Variants in RBM20 observed in about 807,000 individuals in gnomAD.
RBM20 encodes the protein RNA-binding protein 20.
RBM20 carries 51 observed loss-of-function variants against 110.1 expected under a neutral mutation model. That is an observed-to-expected ratio of 0.46 (90% CI 0.37 to 0.59). The LOEUF is 0.59. Among genes scored for constraint, RBM20 ranks in the 20% least tolerant of loss-of-function variants. The probability of loss-of-function intolerance (pLI) is 0.00; values close to 1 mark genes in which losing one functional copy is unlikely to be tolerated. For synonymous variants in RBM20, 589 were observed against 618.2 expected (o/e 0.95, Z 0.70); for missense variants, 1,512 against 1,574.9 (o/e 0.96, Z 0.68).
At chr10:110,749,028 A>G (rs1843820285) in intron 1 of RBM20, among the ~76,000 whole-genome samples, 1 of 152,244 alleles carries the variant, frequency 6.6e-6, no homozygotes, top group African/African-American at 2.4e-5. Flanking sequence ...AGAACATGAA[A>G]AAGACAGTTA....
chr10:110,662,834 T>G (rs1311354313), intron 1 of RBM20, among the ~76,000 whole-genome samples: 2 of 152,226 alleles, frequency 1.3e-5, no homozygotes, highest in Non-Finnish European at 2.9e-5. Context: ...TAGAACACAG[T>G]GTCTGAGATT....
chr10:110,719,542 G>T (rs1286994977), intron 1 of RBM20, among the ~76,000 whole-genome samples: 1 of 151,864 alleles, frequency 6.6e-6, no homozygotes, highest in Admixed American at 6.6e-5. Context: ...TTGTCTCGCG[G>T]GTATATGTAT....
intron 1 of RBM20, among the ~76,000 whole-genome samples, chr10:110,710,694 T>G (rs1437247761): frequency 6.6e-6 from 1 of 152,246 alleles, no homozygotes; most frequent in African/African-American, 2.4e-5. Flanking sequence ...CAAAGTTTTC[T>G]GTGCAGATAG....
At chr10:110,682,865 T>A (rs1177213109) in intron 1 of RBM20, among the ~76,000 whole-genome samples, 2 of 152,264 alleles carry the variant, frequency 1.3e-5, no homozygotes, top group Admixed American at 6.5e-5. Flanking sequence ...CTATAATAGT[T>A]ATCATTGTCA....
At chr10:110,757,168 G>A (rs900467392) in intron 1 of RBM20, among the ~76,000 whole-genome samples, 3 of 152,132 alleles carry the variant, frequency 2.0e-5, no homozygotes, top group Non-Finnish European at 2.9e-5. Flanking sequence ...GATTCCACCT[G>A]CTTTTATTTT....
At chr10:110,747,861 G>A (rs59116490) in intron 1 of RBM20, among the ~76,000 whole-genome samples, 9 of 60,262 alleles carry the variant, frequency 1.5e-4, no homozygotes, top group Non-Finnish European at 2.6e-4. Flanking sequence ...GCAAGAGAAA[G>A]CCTTTTAGAA....
Position 110,838,038 on chromosome 10 carries a change from A to T in RBM20, c.*2060A>T, listed in dbSNP as rs915132214. ...GAGAGAAAGAATAGCCAAATCCCCAAACAGGCCAGTTTTAACCAGCATGAT... is the reference window on the plus strand; with the variant it reads ...GAGAGAAAGAATAGCCAAATCCCCATACAGGCCAGTTTTAACCAGCATGAT... On this transcript the variant is annotated 3_prime_UTR_variant, in exon 14 of 14. Coordinates refer to ENST00000369519, the MANE Select transcript of RBM20 (RefSeq NM_001134363.3). 6.6e-6 allele frequency: 1 copy of T among 152,200 alleles called. No individual in the cohort carries two copies. The highest frequency in any genetic ancestry group is 2.4e-5 in the African/African-American group (1 of 41,448). The allele number at this position is 152,200 out of a possible 1,614,324, so 9.4% of individuals were successfully genotyped here.
chr10:110,722,885 G>A (rs1843524129), intron 1 of RBM20, among the ~76,000 whole-genome samples: 1 of 152,160 alleles, frequency 6.6e-6, no homozygotes, highest in South Asian at 2.1e-4. Flanking sequence ...GCTGAGGCAG[G>A]CAGATCACTT....
At chr10:110,672,499 C>G (rs761574072) in intron 1 of RBM20, among the ~76,000 whole-genome samples, 6 of 152,252 alleles carry the variant, frequency 3.9e-5, no homozygotes, top group African/African-American at 7.2e-5. Context: ...CCCGGCGGAG[C>G]TTCCGTGATC....
At position 110,839,407 on chromosome 10, in the gene RBM20, A is replaced by G. The variant is rs903235415; in HGVS notation, c.*3429A>G. ...TTTCCTGATCTGTATAACTGACTGC[A>G]AAGTGTTTGTTTTTACAAAAGAGAA... On this transcript the variant is annotated 3_prime_UTR_variant, in exon 14 of 14. Coordinates refer to ENST00000369519, the MANE Select transcript of RBM20 (RefSeq NM_001134363.3). 2 of 152,188 alleles carry G rather than the reference A, an allele frequency of 1.3e-5. No homozygotes were observed. Among genetic ancestry groups the G allele is most frequent in the African/African-American group, 4.8e-5 (2 of 41,452 alleles). The allele number at this position is 152,188 out of a possible 1,614,324, so 9.4% of individuals were successfully genotyped here. A position where few individuals can be genotyped will look rare whatever the true frequency, so the allele number is the denominator to read the frequency against.
chr10:110,689,246 G>A (rs901150881), intron 1 of RBM20, among the ~76,000 whole-genome samples: 2 of 152,220 alleles, frequency 1.3e-5, no homozygotes, highest in African/African-American at 2.4e-5. Flanking sequence ...GGTTCAGCAC[G>A]TGCTGACTGG....
In RBM20 at chr10:110,781,075, G is replaced by T; in HGVS notation, c.466G>T (p.Ala156Ser). The change falls in exon 2 of 14, where the codon GCT (alanine) becomes TCT (serine). Residue 156 changes from alanine (A) to serine (S), a missense_variant. Around this residue, in one of 3 missense-constraint regions of RBM20, gnomAD observed 1,149 missense variants for 1,169.4 expected, o/e 0.98. Coordinates refer to ENST00000369519, the MANE Select transcript of RBM20 (RefSeq NM_001134363.3). Reference protein sequence around the residue: ...PHGHAGVPQHAAAIPSTRFPS... With the variant: ...PHGHAGVPQHSAAIPSTRFPS... Reference sequence around the variant, plus strand: ...CGGCCATGCTGGGGTTCCCCAACATGCTGCAGCCATACCCAGTACCCGGTT... The same window carrying T: ...CGGCCATGCTGGGGTTCCCCAACATTCTGCAGCCATACCCAGTACCCGGTT... 6.4e-7 allele frequency: 1 copy of T among 1,551,800 alleles called. No homozygotes were observed. Among genetic ancestry groups the T allele is most frequent in the Non-Finnish European group, 8.7e-7 (1 of 1,146,996 alleles).
intron 5 of RBM20, among the ~76,000 whole-genome samples, chr10:110,788,659 C>T (rs1468418816): frequency 6.6e-6 from 1 of 152,216 alleles, no homozygotes; most frequent in Admixed American, 6.5e-5. Flanking sequence ...AATGCGAGAA[C>T]ATTGACATTT....
chr10:110,644,421 C>T lies in RBM20; in HGVS notation c.-34C>T, dbSNP rs1039701746. ...CCCGGGACCGCCCCTCCCTTGAGCT[C>T]TCTCGCCGCGATCCCGGGCGGGTCT... On this transcript the variant is annotated 5_prime_UTR_variant, in exon 1 of 14. Coordinates refer to ENST00000369519, the MANE Select transcript of RBM20 (RefSeq NM_001134363.3). This position sits in a 1 kb window ranked among gnomAD's most constrained non-coding sequence, Gnocchi z 4.3. The T allele has an allele frequency of 4.2e-6, 6 of 1,439,038 alleles. No homozygotes were observed. Among genetic ancestry groups the T allele is most frequent in the Admixed American group, 5.3e-5 (2 of 38,078 alleles). The allele number at this position is 1,439,038 out of a possible 1,614,324, so 89.1% of individuals were successfully genotyped here. A position where few individuals can be genotyped will look rare whatever the true frequency, so the allele number is the denominator to read the frequency against.
intron 2 of RBM20, 111 bp from the exon 3 acceptor site, chr10:110,783,255 C>A (rs1425006802): frequency 2.6e-6 from 2 of 773,064 alleles, no homozygotes; most frequent in Middle Eastern, 3.5e-4. Flanking sequence ...CAGGGGTGGT[C>A]CAGCCTCTGG....
intron 1 of RBM20, among the ~76,000 whole-genome samples, chr10:110,686,528 G>C (rs1862507610): frequency 1.3e-5 from 2 of 152,134 alleles, no homozygotes; most frequent in South Asian, 4.1e-4. Flanking sequence ...GGGAGGCTGA[G>C]ACGGGAAGGT....
At chr10:110,699,378 T>G (rs1045465031) in intron 1 of RBM20, among the ~76,000 whole-genome samples, 2 of 151,728 alleles carry the variant, frequency 1.3e-5, no homozygotes, top group Non-Finnish European at 2.9e-5. Flanking sequence ...TTCAAGTGAT[T>G]CTCATGCCTG....
chr10:110,665,457 C>G (rs1211976997), intron 1 of RBM20, among the ~76,000 whole-genome samples: 1 of 152,102 alleles, frequency 6.6e-6, no homozygotes, highest in African/African-American at 2.4e-5. Context: ...GCAGATGAAT[C>G]AGGTAATCAG....
intron 1 of RBM20, among the ~76,000 whole-genome samples, chr10:110,657,080 G>A (rs1161705279): frequency 5.9e-5 from 9 of 151,420 alleles, no homozygotes; most frequent in African/African-American, 2.2e-4. Context: ...GCATTGGCGT[G>A]ATCTCGATTC....
Sources: allele counts gnomAD v4.1 joint callset (sites outside exome capture counted in the v4.1 genomes callset), GRCh38; gene constraint gnomAD v4.1.1; regional missense constraint gnomAD v4.1.1; non-coding constraint Gnocchi (gnomAD v3.1); transcripts MANE v1.5; gene names NCBI Gene and HGNC (gene_info 2026-07-23, HGNC 2026-07-21).